Variants in DEPTOR observed in about 807,000 individuals in gnomAD.
DEPTOR encodes DEP domain-containing mTOR-interacting protein.
Under a neutral mutation model 41.6 loss-of-function variants are expected in DEPTOR, and 41 were observed. The ratio of observed to expected loss-of-function variants is 0.98; its 90% confidence interval spans 0.77 to 1.28. The LOEUF (loss-of-function observed/expected upper bound fraction) is 1.28, where lower values mean the gene tolerates loss of function less well. Ranked by LOEUF, DEPTOR falls within the 50% of genes most tolerant of loss-of-function variation. The pLI is 0.00. For missense variants in DEPTOR, 514 were observed against 527.9 expected (o/e 0.97, Z 0.26); for synonymous variants, 195 against 192.3 (o/e 1.01, Z -0.12).
chr8:119,892,844 A>C (rs1827468704), intron 1 of DEPTOR, among the ~76,000 whole-genome samples: 2 of 151,062 alleles, frequency 1.3e-5, no homozygotes, highest in African/African-American at 4.9e-5. Flanking sequence ...GTGCAGTGGC[A>C]CGATCTTGGC....
intron 4 of DEPTOR, among the ~76,000 whole-genome samples, chr8:119,987,328 A>T (rs62528700): frequency 0.37 from 55,727 of 152,040 alleles, 10,905 homozygotes; most frequent in East Asian, 0.57. Context: ...GGTCTACTCC[A>T]GACCCTCTTT....
chr8:120,038,339 C>A lies in DEPTOR; in HGVS notation c.1102-11237C>A, dbSNP rs1586669494. On this transcript the variant is annotated intron_variant, in intron 8 of 8. Coordinates refer to ENST00000286234, the MANE Select transcript of DEPTOR (RefSeq NM_022783.4). ...CTATAGCCTGGCACAAAGGCTCAGGCCTGTAATCCCAGCACTTTGGGAGGC... is the reference window on the plus strand; with the variant it reads ...CTATAGCCTGGCACAAAGGCTCAGGACTGTAATCCCAGCACTTTGGGAGGC... Among the ~76,000 whole-genome samples the A allele has an allele frequency of 2.1e-5, 3 of 140,388 alleles. No homozygotes were observed. The Admixed American group carries it at 2.1e-4, about 10-fold the overall frequency. 92.1% of individuals were successfully genotyped at this position (140,388 alleles called of 152,430 possible).
At chr8:119,943,662 C>G (rs1045017727) in intron 3 of DEPTOR, among the ~76,000 whole-genome samples, 4 of 152,034 alleles carry the variant, frequency 2.6e-5, no homozygotes, top group African/African-American at 9.7e-5. Flanking sequence ...ACATCTGTCC[C>G]CTTTGGGCTC....
intron 6 of DEPTOR, among the ~76,000 whole-genome samples, chr8:120,005,659 A>G (rs561581399): frequency 6.6e-6 from 1 of 152,236 alleles, no homozygotes; most frequent in African/African-American, 2.4e-5. Flanking sequence ...ATGTCTGCAG[A>G]GCTGGATTAG....
intron 3 of DEPTOR, among the ~76,000 whole-genome samples, chr8:119,949,702 C>T (rs1011053814): frequency 7.9e-5 from 12 of 152,022 alleles, no homozygotes; most frequent in Non-Finnish European, 1.2e-4. Flanking sequence ...TATTTTGAGA[C>T]AGAGTCTTAC....
At chr8:120,045,755 T>A (rs762370898) in intron 8 of DEPTOR, among the ~76,000 whole-genome samples, 3 of 152,200 alleles carry the variant, frequency 2.0e-5, no homozygotes, top group Admixed American at 1.3e-4. Context: ...ATCATTTTGG[T>A]GTCCCTTGCC....
Position 120,001,697 on chromosome 8 carries a change from C to T in DEPTOR, c.777C>T (p.Thr259=). ...AGAGCCATGACAATCGGAAATCTAC[C>T]AGCTTTATGTCAGGTATGCCATCCC... ...RKQSHDNRKS[T]SFMSVSPSKE... is the part of the protein sequence containing the mutation. The change falls in exon 5 of 9, where the codon ACC becomes ACT. Residue 259 remains threonine, a synonymous_variant. Transcript: ENST00000286234. The T allele has an allele frequency of 1.2e-6, 2 of 1,612,762 alleles. No homozygotes were observed. Among genetic ancestry groups the T allele is most frequent in the South Asian group, 1.1e-5 (1 of 90,730 alleles).
chr8:119,947,777 G>T (rs1423957410), intron 3 of DEPTOR, among the ~76,000 whole-genome samples: 1 of 152,138 alleles, frequency 6.6e-6, no homozygotes, highest in African/African-American at 2.4e-5. Context: ...GGATCATTAT[G>T]CTGTCATCTT....
intron 6 of DEPTOR, 125 bp downstream of exon 6, chr8:120,003,236 G>T: frequency 6.8e-7 from 1 of 1,467,598 alleles, no homozygotes; most frequent in South Asian, 1.3e-5. Flanking sequence ...ATGCTCTTGG[G>T]GTCCACACGT....
intron 4 of DEPTOR, among the ~76,000 whole-genome samples, chr8:119,998,912 T>G (rs1812306904): frequency 6.8e-6 from 1 of 146,602 alleles, no homozygotes; most frequent in Admixed American, 7.0e-5. Context: ...GACTTCCTAA[T>G]ACCTTTGGAC....
chr8:119,956,740 G>GTT lies in DEPTOR; in HGVS notation c.426-8480_426-8479dup, dbSNP rs71571641. Reference sequence around the variant, plus strand: ...ACAGGGTTTTTTGTTTTTTTTTTTTGTTTTTTTTTTTTTAGATGAAGTCTC... The same window carrying GTT: ...ACAGGGTTTTTTGTTTTTTTTTTTTGTTTTTTTTTTTTTTTAGATGAAGTCTC... On this transcript the variant is annotated intron_variant, in intron 3 of 8. Transcript: ENST00000286234. Among the ~76,000 whole-genome samples, 216 of 91,984 alleles carry GTT rather than the reference G, an allele frequency of 2.3e-3. 1 individual carries two copies. Among genetic ancestry groups the GTT allele is most frequent in the Non-Finnish European group, 2.4e-3 (120 of 49,802 alleles). 60.3% of individuals were successfully genotyped at this position (91,984 alleles called of 152,430 possible). A position where few individuals can be genotyped will look rare whatever the true frequency, so the allele number is the denominator to read the frequency against.
intron 3 of DEPTOR, among the ~76,000 whole-genome samples, chr8:119,964,291 C>T (rs532653225): frequency 9.2e-5 from 14 of 152,006 alleles, no homozygotes; most frequent in Admixed American, 2.6e-4. Context: ...CCAAGATGGG[C>T]GGATCACGAG....
At chr8:119,918,974 T>C (rs1368397141) in intron 1 of DEPTOR, among the ~76,000 whole-genome samples, 1 of 151,318 alleles carries the variant, frequency 6.6e-6, no homozygotes, top group African/African-American at 2.4e-5. Context: ...TGTATGTGTA[T>C]GTGTGTGTGT....
intron 8 of DEPTOR, among the ~76,000 whole-genome samples, chr8:120,037,876 T>C (rs1317628122): frequency 6.6e-6 from 1 of 152,142 alleles, no homozygotes; most frequent in Non-Finnish European, 1.5e-5. Context: ...ATAAAGATGA[T>C]GGCAATGGTG....
chr8:119,898,328 C>T (rs1197903999), intron 1 of DEPTOR, among the ~76,000 whole-genome samples: 2 of 152,150 alleles, frequency 1.3e-5, no homozygotes, highest in Admixed American at 6.5e-5. Context: ...AACTAAGGAA[C>T]ATTTACTAGA....
At chr8:119,915,230 A>G (rs6984206) in intron 1 of DEPTOR, among the ~76,000 whole-genome samples, 44,475 of 151,708 alleles carry the variant, frequency 0.29, 8,017 homozygotes, top group African/African-American at 0.51. Context: ...CTCCCAAAGC[A>G]CTGGGCTTAC....
At chr8:119,988,969 T>C (rs1348151396) in intron 4 of DEPTOR, among the ~76,000 whole-genome samples, 2 of 144,192 alleles carry the variant, frequency 1.4e-5, no homozygotes, top group Non-Finnish European at 3.0e-5. Context: ...TTTTTTTTTT[T>C]TTTTTTTTTT....
chr8:119,887,127 TCC>T (rs1563956948), intron 1 of DEPTOR, among the ~76,000 whole-genome samples: 1 of 5,798 alleles, frequency 1.7e-4, no homozygotes, highest in Admixed American at 1.9e-3. Flanking sequence ...CCCCCTCCCC[TCC>T]CCCCCCCCTC....
intron 4 of DEPTOR, among the ~76,000 whole-genome samples, chr8:119,988,254 G>A (rs2130040516): frequency 6.6e-6 from 1 of 152,288 alleles, no homozygotes; most frequent in South Asian, 2.1e-4. Flanking sequence ...GCTTCCGTTG[G>A]CTAAGGAAGG....
Sources: gnomAD v4.1 joint callset for allele counts (sites outside exome capture counted in the v4.1 genomes callset) on GRCh38, gnomAD v4.1.1 for gene constraint, MANE v1.5 for transcripts, NCBI Gene and HGNC (gene_info 2026-07-23, HGNC 2026-07-21) for gene names.